Variants in RCAN2 observed in about 807,000 individuals in gnomAD.
The protein encoded by RCAN2 is calcipressin-2.
Under a neutral mutation model 23.6 loss-of-function variants are expected in RCAN2, and 9 were observed. The observed-to-expected ratio is 0.38, with a 90% CI of 0.23 to 0.67. The LOEUF is 0.67. Among genes scored for constraint, RCAN2 ranks in the 30% least tolerant of loss-of-function variants. The probability of loss-of-function intolerance (pLI) is 0.51; values close to 1 mark genes in which losing one functional copy is unlikely to be tolerated. For synonymous variants in RCAN2, 109 were observed against 115.7 expected (o/e 0.94, Z 0.37); for missense variants, 273 against 302.3 (o/e 0.90, Z 0.72).
intron 2 of RCAN2, among the ~76,000 whole-genome samples, chr6:46,404,580 G>A (rs1390058234): frequency 6.6e-6 from 1 of 152,116 alleles, no homozygotes; most frequent in African/African-American, 2.4e-5. Flanking sequence ...CATAAAATAT[G>A]TATATCTTTA....
At chr6:46,487,233 C>T (rs1769018967) in intron 1 of RCAN2, among the ~76,000 whole-genome samples, 1 of 152,172 alleles carries the variant, frequency 6.6e-6, no homozygotes, top group Non-Finnish European at 1.5e-5. Flanking sequence ...GAATTGAAAA[C>T]TCTGTGTTGT....
At chr6:46,308,321 C>G (rs551486093) in intron 2 of RCAN2, among the ~76,000 whole-genome samples, 1 of 152,290 alleles carries the variant, frequency 6.6e-6, no homozygotes, top group African/African-American at 2.4e-5. Context: ...TTATTATAGT[C>G]AAATATGAAC....
intron 2 of RCAN2, among the ~76,000 whole-genome samples, chr6:46,382,608 A>G (rs1335114829): frequency 6.6e-6 from 1 of 152,244 alleles, no homozygotes; most frequent in Non-Finnish European, 1.5e-5. Context: ...TTGCATATTT[A>G]GGATGGTTCT....
chr6:46,465,118 A>T (rs1355140293), intron 1 of RCAN2, among the ~76,000 whole-genome samples: 2 of 152,192 alleles, frequency 1.3e-5, no homozygotes, highest in East Asian at 3.9e-4. Context: ...CCATTCCCAC[A>T]AACCTAATAT....
intron 2 of RCAN2, among the ~76,000 whole-genome samples, chr6:46,262,855 TC>T (rs945162267): frequency 5.9e-5 from 9 of 152,180 alleles, no homozygotes; most frequent in Admixed American, 2.0e-4. Flanking sequence ...TGCCCTTTCT[TC>T]CGCCAGTAAC....
chr6:46,375,749 C>T (rs962118967), intron 2 of RCAN2, among the ~76,000 whole-genome samples: 1 of 152,130 alleles, frequency 6.6e-6, no homozygotes, highest in Non-Finnish European at 1.5e-5. Context: ...GCAGAAGCAA[C>T]CATGGACAAT....
intron 2 of RCAN2, among the ~76,000 whole-genome samples, chr6:46,389,999 A>G (rs1234401440): frequency 1.4e-5 from 2 of 148,068 alleles, no homozygotes; most frequent in Admixed American, 1.4e-4. Flanking sequence ...AAATGAACAT[A>G]TAGCATTATT....
At chr6:46,308,451 G>A (rs1157721925) in intron 2 of RCAN2, among the ~76,000 whole-genome samples, 2 of 152,152 alleles carry the variant, frequency 1.3e-5, no homozygotes, top group Non-Finnish European at 2.9e-5. Context: ...AGGGAGAGGA[G>A]AGGCAAATGT....
chr6:46,383,323 GGAA>G (rs1468296944), intron 2 of RCAN2, among the ~76,000 whole-genome samples: 1 of 151,836 alleles, frequency 6.6e-6, no homozygotes, highest in African/African-American at 2.4e-5. Context: ...AAGTGGAGGA[GGAA>G]GCGTATCTGG....
At chr6:46,313,549 T>G (rs1377817137) in intron 2 of RCAN2, among the ~76,000 whole-genome samples, 1 of 152,260 alleles carries the variant, frequency 6.6e-6, no homozygotes, top group African/African-American at 2.4e-5. Flanking sequence ...AAATAAGAAA[T>G]ATCCTGAACT....
intron 2 of RCAN2, among the ~76,000 whole-genome samples, chr6:46,306,405 A>G (rs940297791): frequency 6.6e-6 from 1 of 152,142 alleles, no homozygotes; most frequent in Non-Finnish European, 1.5e-5. Flanking sequence ...AGAGGGTGAT[A>G]CCATCTAACT....
At position 46,468,773 on chromosome 6, in the gene RCAN2, C is replaced by T. The variant is rs570580825; in HGVS notation, c.-2-11795G>A. The T allele has an allele frequency of 8.2e-5, 80 of 979,150 alleles. No homozygotes were observed. In the South Asian group the frequency reaches 1.2e-3, roughly 15 times the overall value. 60.7% of individuals were successfully genotyped at this position (979,150 alleles called of 1,614,324 possible). On this transcript the variant is annotated intron_variant, in intron 1 of 4. Transcript: ENST00000371374. ...TCTCTCCCCACTCTTTCTCTCTCTC[C>T]GCTAGATGTTCCAGAGCCTTGCTCA... is the stretch of plus-strand genomic sequence containing the variant.
intron 2 of RCAN2, among the ~76,000 whole-genome samples, chr6:46,312,757 G>A (rs535808644): frequency 6.6e-6 from 1 of 152,258 alleles, no homozygotes; most frequent in Admixed American, 6.5e-5. Flanking sequence ...AAGGATACTG[G>A]GACTCTGCAG....
At chr6:46,226,141 C>T (rs1050834258) in intron 4 of RCAN2, among the ~76,000 whole-genome samples, 5 of 152,142 alleles carry the variant, frequency 3.3e-5, no homozygotes, top group African/African-American at 1.2e-4. Flanking sequence ...TTCCATTGGT[C>T]TATATCTCCA....
intron 1 of RCAN2, among the ~76,000 whole-genome samples, chr6:46,476,550 T>C (rs1768718735): frequency 6.6e-6 from 1 of 152,210 alleles, no homozygotes; most frequent in Admixed American, 6.5e-5. Context: ...AGGTGGAAGT[T>C]TCTTTGTATC....
At chr6:46,368,547 C>A (rs1433276831) in intron 2 of RCAN2, among the ~76,000 whole-genome samples, 4 of 152,182 alleles carry the variant, frequency 2.6e-5, no homozygotes, top group Admixed American at 2.6e-4. Flanking sequence ...TACTACATAT[C>A]TAAGCTATAT....
At chr6:46,286,897 C>T (rs1200466995) in intron 2 of RCAN2, among the ~76,000 whole-genome samples, 3 of 151,912 alleles carry the variant, frequency 2.0e-5, no homozygotes, top group East Asian at 1.9e-4. Flanking sequence ...CCCAGCTACT[C>T]GGGAGGCTGA....
chr6:46,351,676 A>G (rs1189682940), intron 2 of RCAN2, among the ~76,000 whole-genome samples: 1 of 148,884 alleles, frequency 6.7e-6, no homozygotes, highest in African/African-American at 2.5e-5. Flanking sequence ...CAATGGATCC[A>G]GATAATAAAT....
chr6:46,442,987 G>C (rs917197475), intron 2 of RCAN2, among the ~76,000 whole-genome samples: 2 of 152,110 alleles, frequency 1.3e-5, no homozygotes, highest in African/African-American at 4.8e-5. Flanking sequence ...CAAGTGATTA[G>C]CAGTAACTAA....
Sources: allele counts gnomAD v4.1 joint callset (sites outside exome capture counted in the v4.1 genomes callset), GRCh38; gene constraint gnomAD v4.1.1; transcripts MANE v1.5; gene names NCBI Gene and HGNC (gene_info 2026-07-23, HGNC 2026-07-21).